Variants in SLC25A26 observed in about 807,000 individuals in gnomAD.
SLC25A26 encodes the protein solute carrier family 25 member 26.
Under a neutral mutation model 37.8 loss-of-function variants are expected in SLC25A26, and 36 were observed. The ratio of observed to expected loss-of-function variants is 0.95; its 90% CI spans 0.73 to 1.26. The LOEUF (loss-of-function observed/expected upper bound fraction) is 1.26. Ranked by LOEUF, SLC25A26 falls within the 50% of genes most tolerant of loss-of-function variation. The probability of loss-of-function intolerance (pLI) is 0.00; values close to 1 mark genes in which losing one functional copy is unlikely to be tolerated. For synonymous variants in SLC25A26, 129 were observed against 122.5 expected (o/e 1.05, Z -0.35); for missense variants, 390 against 331.1 (o/e 1.18, Z -1.38).
intron 1 of SLC25A26, among the ~76,000 whole-genome samples, chr3:66,149,133 A>G (rs112283932): frequency 5.8e-4 from 89 of 152,178 alleles, no homozygotes; most frequent in African/African-American, 2.0e-3. Context: ...TGGGTCCATG[A>G]CCCATTGGGG....
At chr3:66,290,596 G>C (rs2074671897) in intron 5 of SLC25A26, among the ~76,000 whole-genome samples, 2 of 152,174 alleles carry the variant, frequency 1.3e-5, no homozygotes, top group South Asian at 4.1e-4. Context: ...TCATGGTTCT[G>C]TTTATGTAAT....
intron 1 of SLC25A26, among the ~76,000 whole-genome samples, chr3:66,199,760 ATGACCCTTTCCC>A (rs1347325332): frequency 6.6e-6 from 1 of 151,816 alleles, no homozygotes; most frequent in East Asian, 2.0e-4. Context: ...GCACCCTGTC[ATGACCCTTTCCC>A]TGACCCTCAT....
intron 5 of SLC25A26, among the ~76,000 whole-genome samples, chr3:66,294,964 T>A (rs561856796): frequency 2.0e-5 from 3 of 152,346 alleles, no homozygotes; most frequent in Non-Finnish European, 4.4e-5. Flanking sequence ...AACTGTTAAC[T>A]TCTTATCAAA....
In SLC25A26 at chr3:66,209,898, T is replaced by C. The variant is rs1318356444; in HGVS notation, c.-353-10844T>C. 2.5e-3 allele frequency among the ~76,000 whole-genome samples: 95 copies of C among 38,600 alleles called. 1 individual carries two copies. The highest frequency in any genetic ancestry group is 7.5e-3 in the African/African-American group (85 of 11,364). 25.3% of individuals were successfully genotyped at this position (38,600 alleles called of 152,430 possible). ...TATACTCCTCTCTCTCTCTCTCTAT[T>C]TATATATATATATATATATATATAT... On this transcript the variant is annotated intron_variant, in intron 1 of 10. Transcript: ENST00000676754.
intron 3 of SLC25A26, among the ~76,000 whole-genome samples, chr3:66,253,701 C>T (rs2073186409): frequency 6.6e-6 from 1 of 152,106 alleles, no homozygotes; most frequent in Admixed American, 6.6e-5. Flanking sequence ...AGATAATAAG[C>T]TTATGTTTTA....
chr3:66,350,037 GAC>G (rs1315368272), intron 6 of SLC25A26, among the ~76,000 whole-genome samples: 9 of 152,182 alleles, frequency 5.9e-5, no homozygotes, highest in African/African-American at 2.2e-4. Flanking sequence ...TGTAGAAGTA[GAC>G]AGTTTTTGGA....
intron 5 of SLC25A26, among the ~76,000 whole-genome samples, chr3:66,293,445 T>C (rs1365806817): frequency 6.6e-6 from 1 of 151,972 alleles, no homozygotes; most frequent in Non-Finnish European, 1.5e-5. Context: ...GAGACTTGTG[T>C]CATGGAGGTT....
At chr3:66,313,962 G>T (rs1229501018) in intron 5 of SLC25A26, among the ~76,000 whole-genome samples, 1 of 152,100 alleles carries the variant, frequency 6.6e-6, no homozygotes, top group East Asian at 1.9e-4. Flanking sequence ...ACTTTTGCAT[G>T]TTGATTTTGT....
intron 1 of SLC25A26, among the ~76,000 whole-genome samples, chr3:66,225,003 T>G (rs1219128903): frequency 1.3e-5 from 2 of 152,110 alleles, no homozygotes; most frequent in Non-Finnish European, 2.9e-5. Context: ...GGGATACAGC[T>G]CCCCTCCTGG....
intron 1 of SLC25A26, among the ~76,000 whole-genome samples, chr3:66,198,252 G>C (rs918978663): frequency 6.6e-6 from 1 of 152,006 alleles, no homozygotes; most frequent in African/African-American, 2.4e-5. Context: ...GGGTCAAGTT[G>C]ACCCCTCAAA....
At chr3:66,156,337 A>C (rs926036450) in intron 1 of SLC25A26, among the ~76,000 whole-genome samples, 3 of 152,240 alleles carry the variant, frequency 2.0e-5, no homozygotes, top group Admixed American at 6.5e-5. Context: ...CTTATTCTAC[A>C]ATGCAAACAA....
chr3:66,349,164 C>T (rs1010406517), intron 6 of SLC25A26, among the ~76,000 whole-genome samples: 2 of 152,150 alleles, frequency 1.3e-5, no homozygotes, highest in Non-Finnish European at 2.9e-5. Flanking sequence ...TCAGAGTAAT[C>T]ATAGATGACA....
intron 1 of SLC25A26, among the ~76,000 whole-genome samples, chr3:66,204,491 A>G (rs1170045060): frequency 9.2e-5 from 14 of 151,784 alleles, no homozygotes; most frequent in African/African-American, 3.1e-4. Context: ...GAGAATGGCT[A>G]TTTGATAGAA....
In SLC25A26 at chr3:66,270,547, A is replaced by G. The variant is rs578096038; in HGVS notation, c.453+7168A>G. Among the ~76,000 whole-genome samples, 17 of 152,326 alleles carry G rather than the reference A, an allele frequency of 1.1e-4. No individual in the cohort carries two copies. The South Asian group carries it at 2.7e-3, about 24-fold the overall frequency. On this transcript the variant is annotated intron_variant, in intron 5 of 9. Transcript: ENST00000354883. ...GCTTTCAGTAAATGTGTAATGAGAC[A>G]TTCTTTTTGATGGAAATATTAAACA... is the stretch of plus-strand genomic sequence containing the variant.
intron 1 of SLC25A26, among the ~76,000 whole-genome samples, chr3:66,185,445 C>A (rs1345136133): frequency 6.6e-6 from 1 of 152,122 alleles, no homozygotes; most frequent in Non-Finnish European, 1.5e-5. Flanking sequence ...ACCCTACTTT[C>A]AATTCTTCTG....
At chr3:66,192,846 G>C (rs1049661344) in intron 1 of SLC25A26, among the ~76,000 whole-genome samples, 1 of 152,100 alleles carries the variant, frequency 6.6e-6, no homozygotes, top group African/African-American at 2.4e-5. Flanking sequence ...ACATATTTGT[G>C]TATATTTGCC....
At chr3:66,222,466 C>T (rs782429183) in intron 1 of SLC25A26, among the ~76,000 whole-genome samples, 24 of 152,236 alleles carry the variant, frequency 1.6e-4, no homozygotes, top group East Asian at 5.8e-4. Flanking sequence ...CAGGCGTGAG[C>T]CACGGCGCCT....
intron 3 of SLC25A26, among the ~76,000 whole-genome samples, chr3:66,252,361 T>G (rs1352029439): frequency 6.6e-6 from 1 of 152,184 alleles, no homozygotes; most frequent in Non-Finnish European, 1.5e-5. Context: ...TTGAGGAGCA[T>G]ATAAGTAAGT....
At chr3:66,368,634 A>C (rs940364898) in intron 7 of SLC25A26, among the ~76,000 whole-genome samples, 1 of 152,186 alleles carries the variant, frequency 6.6e-6, no homozygotes, top group Non-Finnish European at 1.5e-5. Context: ...TGTATACCCA[A>C]AATCCCCACA....
Sources: gnomAD v4.1 joint callset for allele counts (sites outside exome capture counted in the v4.1 genomes callset) on GRCh38, gnomAD v4.1.1 for gene constraint, MANE v1.5 for transcripts, NCBI Gene and HGNC (gene_info 2026-07-23, HGNC 2026-07-21) for gene names.